The following DCTN4 variants were observed in gnomAD, a reference collection of about 807,000 sequenced individuals.
DCTN4 encodes the protein dynactin 4 (p62).
In DCTN4, 23 loss-of-function variants were observed where a neutral mutation model predicts 62.7. That is an observed-to-expected ratio of 0.37 (90% confidence interval 0.26 to 0.52). DCTN4 has a LOEUF of 0.52. DCTN4 is among the 20% of genes least tolerant of loss of function. DCTN4 has a pLI of 0.92. For missense variants in DCTN4, 514 were observed against 580.4 expected (o/e 0.89, Z 1.18); for synonymous variants, 199 against 202.1 (o/e 0.98, Z 0.13).
intron 10 of DCTN4, among the ~76,000 whole-genome samples, chr5:150,718,850 A>C (rs942654410): frequency 6.6e-6 from 1 of 152,146 alleles, no homozygotes; most frequent in Non-Finnish European, 1.5e-5. Flanking sequence ...ACAAGGTCTC[A>C]CTCTGTTGCC....
In DCTN4 at chr5:150,709,500, T is replaced by C. The variant is rs977887013; in HGVS notation, c.*1649A>G. The C allele has an allele frequency of 7.9e-5, 12 of 152,344 alleles. No homozygotes were observed. The highest frequency in any genetic ancestry group is 2.0e-4 in the Admixed American group (3 of 15,272). 9.4% of individuals were successfully genotyped at this position (152,344 alleles called of 1,614,324 possible). A position where few individuals can be genotyped will look rare whatever the true frequency, so the allele number is the denominator to read the frequency against. ...GGGGTCACAAAAAAATGAAACTCTT[T>C]CTATAGTCTGCAAATCTGTAATTAC... On this transcript the variant is annotated 3_prime_UTR_variant, in exon 13 of 13. Coordinates refer to ENST00000447998, the MANE Select transcript of DCTN4 (RefSeq NM_016221.4).
At chr5:150,715,780 A>G in intron 11 of DCTN4, 118 bp from the exon 12 acceptor site, 2 of 736,682 alleles carry the variant, frequency 2.7e-6, no homozygotes, top group Non-Finnish European at 4.6e-6. Flanking sequence ...AACATATACT[A>G]CTTCTATGGA....
chr5:150,727,498 C>T lies in DCTN4; in HGVS notation c.834+3133G>A, dbSNP rs570450993. ...AGCAGATTAAACCCAATAAGCAGGC[C>T]GGGCGCGGTGGCTCACGCCTGTAAT... On this transcript the variant is annotated intron_variant, in intron 8 of 12. Coordinates refer to ENST00000447998, the MANE Select transcript of DCTN4 (RefSeq NM_016221.4). 7.9e-5 allele frequency among the ~76,000 whole-genome samples: 12 copies of T among 152,116 alleles called. No individual in the cohort carries two copies. In the East Asian group the frequency reaches 9.7e-4, roughly 12 times the overall value.
At chr5:150,723,764 T>G (rs918968154) in intron 8 of DCTN4, among the ~76,000 whole-genome samples, 2 of 152,238 alleles carry the variant, frequency 1.3e-5, no homozygotes, top group Non-Finnish European at 2.9e-5. Flanking sequence ...TTTCTCCAGA[T>G]AGCCTATGCA....
chr5:150,757,745 G>A (rs1324019160), intron 1 of DCTN4, among the ~76,000 whole-genome samples: 1 of 152,062 alleles, frequency 6.6e-6, no homozygotes, highest in African/African-American at 2.4e-5. Context: ...ATTATGAAAA[G>A]TATCTTCAAT....
At chr5:150,723,400 GC>G (rs1345164403) in intron 8 of DCTN4, among the ~76,000 whole-genome samples, 4 of 152,196 alleles carry the variant, frequency 2.6e-5, no homozygotes, top group African/African-American at 7.2e-5. Context: ...ACTTCACAGA[GC>G]CAATAAAAAT....
At chr5:150,723,156 C>T (rs910127291) in intron 8 of DCTN4, among the ~76,000 whole-genome samples, 176 bp from the exon 9 acceptor site, 4 of 152,172 alleles carry the variant, frequency 2.6e-5, no homozygotes, top group African/African-American at 7.2e-5. Flanking sequence ...AAGATGTTCG[C>T]ACTTCCTGAT....
intron 2 of DCTN4, among the ~76,000 whole-genome samples, chr5:150,756,024 G>C (rs1752846896): frequency 7.0e-6 from 1 of 142,718 alleles, no homozygotes; most frequent in African/African-American, 2.5e-5. Flanking sequence ...GGTTAAAAAA[G>C]TTAATTTCAT....
chr5:150,743,201 G>A (rs185512414), intron 3 of DCTN4: 2,370 of 154,088 alleles, frequency 0.015, 28 homozygotes, highest in Non-Finnish European at 0.025. Flanking sequence ...AGGGTCCTAC[G>A]CCCACGGAGT....
chr5:150,758,265 C>T, intron 1 of DCTN4: 1 of 985,622 alleles, frequency 1.0e-6, no homozygotes, highest in African/African-American at 1.7e-5. Flanking sequence ...GGAAGGACAG[C>T]ATTGTCCTCT....
At position 150,729,042 on chromosome 5, in the gene DCTN4, C is replaced by CTTTTTTTTTTTTTTTTTTTTTTTT. The variant is rs61106544; in HGVS notation, c.834+1565_834+1588dup. Among the ~76,000 whole-genome samples the CTTTTTTTTTTTTTTTTTTTTTTTT allele has an allele frequency of 5.8e-5, 3 of 52,148 alleles. 1 individual carries two copies. Among genetic ancestry groups the CTTTTTTTTTTTTTTTTTTTTTTTT allele is most frequent in the African/African-American group, 2.3e-4 (3 of 13,134 alleles). The allele number at this position is 52,148 out of a possible 152,430, so 34.2% of individuals were successfully genotyped here. On this transcript the variant is annotated intron_variant, in intron 8 of 12. Transcript: ENST00000447998. ...ACAAGTGTGTGAACCACCACACTGG[C>CTTTTTTTTTTTTTTTTTTTTTTTT]TTTTTTTTTTTTTTTTTTTTTTTTT...
chr5:150,754,950 G>A (rs1752801391), intron 2 of DCTN4, among the ~76,000 whole-genome samples: 1 of 148,268 alleles, frequency 6.7e-6, no homozygotes, highest in Admixed American at 6.6e-5. Context: ...GCGCCAAAGT[G>A]AGACCCTGTC....
intron 3 of DCTN4, among the ~76,000 whole-genome samples, chr5:150,744,031 G>C (rs1290595497): frequency 6.6e-6 from 1 of 152,142 alleles, no homozygotes; most frequent in African/African-American, 2.4e-5. Flanking sequence ...CAAAGAAGTT[G>C]AAAACTTCGA....
chr5:150,712,930 A>T (rs1023263581), intron 12 of DCTN4, among the ~76,000 whole-genome samples: 2 of 152,236 alleles, frequency 1.3e-5, no homozygotes, highest in African/African-American at 4.8e-5. Context: ...TAATAATGTA[A>T]AATATAATTA....
At chr5:150,756,332 C>A in intron 2 of DCTN4, 85 bp downstream of exon 2, 2 of 959,830 alleles carry the variant, frequency 2.1e-6, no homozygotes, top group Non-Finnish European at 1.5e-6. Flanking sequence ...AGCCACCATG[C>A]CTGGCCCATG....
chr5:150,757,907 G>T, intron 1 of DCTN4: 1 of 193,814 alleles, frequency 5.2e-6, no homozygotes, highest in Non-Finnish European at 9.4e-6. Context: ...CAAATTACTG[G>T]CTGTGTGACT....
At chr5:150,745,455 C>T (rs1760925972) in intron 3 of DCTN4, among the ~76,000 whole-genome samples, 1 of 152,164 alleles carries the variant, frequency 6.6e-6, no homozygotes, top group African/African-American at 2.4e-5. Context: ...TAGACATCTA[C>T]AGAACTCTCC....
chr5:150,735,738 A>G (rs1207976435), intron 4 of DCTN4, among the ~76,000 whole-genome samples: 1 of 152,144 alleles, frequency 6.6e-6, no homozygotes, highest in Non-Finnish European at 1.5e-5. Flanking sequence ...TGGTAATATG[A>G]CAAAGCAAGG....
Position 150,709,661 on chromosome 5 carries a change from A to G in DCTN4, c.*1488T>C, listed in dbSNP as rs148332979. 27 of 152,496 alleles carry G rather than the reference A, an allele frequency of 1.8e-4. No homozygotes were observed. The highest frequency in any genetic ancestry group is 6.5e-4 in the African/African-American group (27 of 41,586). 9.4% of individuals were successfully genotyped at this position (152,496 alleles called of 1,614,324 possible). The stretch of plus-strand genomic sequence containing the variant: ...ATAAAATTGGCTTGACCTTTGTACA[A>G]TTAGTACAATTTAGTGTCTTTTAGA... On this transcript the variant is annotated 3_prime_UTR_variant, in exon 13 of 13. Transcript: ENST00000447998.
Sources: allele counts gnomAD v4.1 joint callset (sites outside exome capture counted in the v4.1 genomes callset), GRCh38; gene constraint gnomAD v4.1.1; transcripts MANE v1.5; gene names NCBI Gene and HGNC (gene_info 2026-07-23, HGNC 2026-07-21).